The following ARHGAP22 variants were observed in gnomAD, a reference collection of about 807,000 sequenced individuals.
The protein encoded by ARHGAP22 is Rho GTPase activating protein 22.
In ARHGAP22, 48 loss-of-function variants were observed where a neutral mutation model predicts 59.1. The ratio of observed to expected loss-of-function variants is 0.81; its 90% CI spans 0.64 to 1.03. ARHGAP22 has a LOEUF of 1.03. ARHGAP22 is among the 50% of genes least tolerant of loss of function. ARHGAP22 has a pLI of 0.00. For missense variants in ARHGAP22, 1,015 were observed against 958.7 expected (o/e 1.06, Z -0.78); for synonymous variants, 445 against 416.4 (o/e 1.07, Z -0.84).
At chr10:48,574,080 A>G (rs1252952097) in intron 2 of ARHGAP22, among the ~76,000 whole-genome samples, 2 of 152,194 alleles carry the variant, frequency 1.3e-5, no homozygotes, top group Non-Finnish European at 2.9e-5. Context: ...CAAAAACCTC[A>G]CCTTGTTGGG....
Position 48,446,561 on chromosome 10 carries a change from C to T in ARHGAP22, c.1927G>A (p.Asp643Asn). 6.2e-7 allele frequency: 1 copy of T among 1,614,196 alleles called. No individual in the cohort carries two copies. Among genetic ancestry groups the T allele is most frequent in the South Asian group, 1.1e-5 (1 of 91,082 alleles). The change falls in exon 10 of 10, where the codon GAC (aspartate) becomes AAC (asparagine). Residue 643 changes from aspartate (D) to asparagine (N), a missense_variant. Asp to Asn is a conservative substitution (Grantham distance 23). Transcript: ENST00000249601. Reference protein sequence around the residue: ...KRMSRLEEELDQEKKKYIMLE... With the variant: ...KRMSRLEEELNQEKKKYIMLE... ...ATGATGTATTTTTTCTTTTCCTGGT[C>T]CAGTTCTTCTTCTAACCGGGACATT... is the stretch of plus-strand genomic sequence containing the variant.
At chr10:48,621,202 A>G (rs887971355) in intron 1 of ARHGAP22, among the ~76,000 whole-genome samples, 1 of 151,906 alleles carries the variant, frequency 6.6e-6, no homozygotes, top group Non-Finnish European at 1.5e-5. Flanking sequence ...TTTTAAAGGC[A>G]TGTACATCTC....
intron 1 of ARHGAP22, among the ~76,000 whole-genome samples, chr10:48,623,655 A>G (rs1351974927): frequency 1.3e-5 from 2 of 152,134 alleles, no homozygotes; most frequent in Non-Finnish European, 2.9e-5. Flanking sequence ...CTTTGAAGTA[A>G]AAGGGTGACC....
intron 2 of ARHGAP22, among the ~76,000 whole-genome samples, chr10:48,576,703 C>G (rs10776622): frequency 0.54 from 81,531 of 152,158 alleles, 22,857 homozygotes; most frequent in East Asian, 0.97. Context: ...AATTCTTCCC[C>G]TGCCATTGCC....
intron 2 of ARHGAP22, among the ~76,000 whole-genome samples, chr10:48,567,549 G>A (rs1003767069): frequency 1.3e-5 from 2 of 152,168 alleles, no homozygotes; most frequent in Admixed American, 6.5e-5. Flanking sequence ...AGGCCAAGGT[G>A]CACGTGATTT....
intron 3 of ARHGAP22, among the ~76,000 whole-genome samples, chr10:48,485,712 C>T (rs559448680): frequency 6.6e-6 from 1 of 152,282 alleles, no homozygotes; most frequent in Non-Finnish European, 1.5e-5. Context: ...GTTATGTCCT[C>T]TTGAAGAACT....
At chr10:48,453,522 C>T in intron 7 of ARHGAP22, 97 bp from the exon 8 acceptor site, 1 of 1,563,666 alleles carries the variant, frequency 6.4e-7, no homozygotes. Flanking sequence ...CTGCTGAGCC[C>T]TGCTGCCTGT....
chr10:48,638,171 G>A (rs575277828), intron 1 of ARHGAP22, among the ~76,000 whole-genome samples: 46 of 152,232 alleles, frequency 3.0e-4, no homozygotes, highest in African/African-American at 9.4e-4. Context: ...TAGCTGCTTC[G>A]TAATGCAACT....
intron 4 of ARHGAP22, among the ~76,000 whole-genome samples, chr10:48,467,002 G>A (rs888893414): frequency 6.6e-6 from 1 of 152,218 alleles, no homozygotes; most frequent in Admixed American, 6.5e-5. Context: ...TGAGGCAATG[G>A]AGGTCCAGGG....
Position 48,531,588 on chromosome 10 carries a change from G to A in ARHGAP22, c.322+23875C>T, listed in dbSNP as rs556149798. On this transcript the variant is annotated intron_variant, in intron 3 of 9. Transcript: ENST00000249601. ...CAGGCTAAGAGCTTGACATGTGCAC[G>A]TTCACTTAGAATTCAGAGCAATCCT... Among the ~76,000 whole-genome samples, 133 of 152,164 alleles carry A rather than the reference G, an allele frequency of 8.7e-4. 2 individuals are homozygous for A. In the South Asian group the frequency reaches 0.025, roughly 29 times the overall value.
Position 48,548,199 on chromosome 10 carries a change from G to T in ARHGAP22, c.322+7264C>A, listed in dbSNP as rs7081127. ...CTCGCCCCTCCCAGCTCCTGGCCCCGTGACAGCCCAGCCGCTTGCCCCTTC... is the reference window on the plus strand; with the variant it reads ...CTCGCCCCTCCCAGCTCCTGGCCCCTTGACAGCCCAGCCGCTTGCCCCTTC... On this transcript the variant is annotated intron_variant, in intron 3 of 9. Transcript: ENST00000249601. 8.4e-3 allele frequency among the ~76,000 whole-genome samples: 1,285 copies of T among 152,134 alleles called. 14 individuals are homozygous for T. The highest frequency in any genetic ancestry group is 0.03 in the African/African-American group (1,234 of 41,504).
At chr10:48,645,600 G>A (rs551810751) in intron 1 of ARHGAP22, among the ~76,000 whole-genome samples, 2 of 152,238 alleles carry the variant, frequency 1.3e-5, no homozygotes, top group East Asian at 1.9e-4. Flanking sequence ...AGCCATTCAT[G>A]ATTTTAAAAA....
intron 3 of ARHGAP22, among the ~76,000 whole-genome samples, chr10:48,500,661 G>A (rs2051415218): frequency 6.6e-6 from 1 of 152,154 alleles, no homozygotes; most frequent in Admixed American, 6.5e-5. Flanking sequence ...GCTGAGGTGG[G>A]CGGATCACCT....
chr10:48,560,078 G>A (rs1244938993), intron 2 of ARHGAP22, among the ~76,000 whole-genome samples: 1 of 152,148 alleles, frequency 6.6e-6, no homozygotes, highest in Non-Finnish European at 1.5e-5. Flanking sequence ...ATTTAATTAA[G>A]GTTGCAGATA....
intron 1 of ARHGAP22, among the ~76,000 whole-genome samples, chr10:48,629,197 G>T (rs1181036538): frequency 6.6e-6 from 1 of 152,144 alleles, no homozygotes; most frequent in Non-Finnish European, 1.5e-5. Flanking sequence ...CATTATGGGG[G>T]CATAGAGGCC....
chr10:48,592,963 A>T (rs563627858), intron 1 of ARHGAP22, among the ~76,000 whole-genome samples: 1 of 152,382 alleles, frequency 6.6e-6, no homozygotes, highest in East Asian at 1.9e-4. Flanking sequence ...CAACAGTCAG[A>T]TCTGACACTA....
At chr10:48,518,116 G>A (rs1434838186) in intron 3 of ARHGAP22, among the ~76,000 whole-genome samples, 5 of 152,146 alleles carry the variant, frequency 3.3e-5, no homozygotes, top group African/African-American at 4.8e-5. Flanking sequence ...CACAAAGAGC[G>A]GCCCTTCTCA....
chr10:48,445,220 G>T (rs749209947), downstream of ARHGAP22: 4 of 152,286 alleles, frequency 2.6e-5, no homozygotes, highest in East Asian at 1.9e-4. Context: ...GATGGAGCTC[G>T]TTGGGCCTGA....
chr10:48,615,655 C>T (rs768965311), intron 1 of ARHGAP22, among the ~76,000 whole-genome samples: 4 of 151,934 alleles, frequency 2.6e-5, no homozygotes, highest in Non-Finnish European at 4.4e-5. Context: ...CATAATGGAG[C>T]TCAGATATTG....
Sources: allele counts gnomAD v4.1 joint callset (sites outside exome capture counted in the v4.1 genomes callset), GRCh38; gene constraint gnomAD v4.1.1; transcripts MANE v1.5; gene names NCBI Gene and HGNC (gene_info 2026-07-23, HGNC 2026-07-21).